DEPDC5: variants seen among roughly 807,000 people sequenced by gnomAD.
DEPDC5 encodes the protein GATOR1 complex protein DEPDC5.
DEPDC5 carries 73 observed loss-of-function variants against 217.3 expected under a neutral mutation model. That is an observed-to-expected ratio of 0.34 (90% CI 0.28 to 0.41). DEPDC5 has a LOEUF of 0.41. DEPDC5 is among the 10% of genes least tolerant of loss of function. The pLI is 1.00. For missense variants in DEPDC5, 1,675 were observed against 2,070.1 expected, an observed-to-expected ratio of 0.81 and a Z score of 3.70; for synonymous variants, 733 against 756.7, an observed-to-expected ratio of 0.97 and a Z score of 0.51.
chr22:31,816,126 G>A (rs1458017171), intron 21 of DEPDC5: 9 of 606,820 alleles, frequency 1.5e-5, no homozygotes, highest in Non-Finnish European at 1.4e-5. Context: ...ATGGTGAAAC[G>A]CCGTCTCTAC....
At chr22:31,884,313 T>C (rs2093253152) in intron 38 of DEPDC5, among the ~76,000 whole-genome samples, 1 of 152,182 alleles carries the variant, frequency 6.6e-6, no homozygotes, top group South Asian at 2.1e-4. Context: ...TCTCCCTCTC[T>C]GCTAAAGCAT....
chr22:31,774,074 A>C (rs1369183917), intron 7 of DEPDC5, among the ~76,000 whole-genome samples: 1 of 152,212 alleles, frequency 6.6e-6, no homozygotes, highest in Non-Finnish European at 1.5e-5. Context: ...CCTGTCTCAA[A>C]AAAACAAAAC....
At chr22:31,773,801 G>A (rs1794723409) in intron 7 of DEPDC5, among the ~76,000 whole-genome samples, 1 of 152,182 alleles carries the variant, frequency 6.6e-6, no homozygotes, top group African/African-American at 2.4e-5. Context: ...GCCGGGTGTG[G>A]TGGCTCACGC....
intron 38 of DEPDC5, 61 bp downstream of exon 38, chr22:31,879,813 T>A: frequency 1.3e-6 from 2 of 1,487,454 alleles, no homozygotes; most frequent in Non-Finnish European, 1.8e-6. Context: ...GGGAAAGTAG[T>A]GGCCAGCCAA....
At chr22:31,777,016 G>A (rs1259693661) in intron 7 of DEPDC5, among the ~76,000 whole-genome samples, 5 of 151,878 alleles carry the variant, frequency 3.3e-5, no homozygotes, top group African/African-American at 1.2e-4. Flanking sequence ...AGGCTGGAGT[G>A]CAGTGGTGCG....
chr22:31,892,634 A>C (rs1364974014), intron 38 of DEPDC5, among the ~76,000 whole-genome samples: 1 of 151,906 alleles, frequency 6.6e-6, no homozygotes, highest in African/African-American at 2.4e-5. Context: ...CAGTGAGCCA[A>C]GATCACGCTA....
chr22:31,804,812 T>C, intron 16 of DEPDC5, 30 bp from the exon 17 acceptor site: 1 of 1,606,038 alleles, frequency 6.2e-7, no homozygotes, highest in Middle Eastern at 1.7e-4. Flanking sequence ...GTTCTGTAGC[T>C]TATCTGTGCT....
chr22:31,828,311 C>T (rs377733653), intron 24 of DEPDC5, among the ~76,000 whole-genome samples: 6 of 152,048 alleles, frequency 3.9e-5, no homozygotes, highest in African/African-American at 9.7e-5. Flanking sequence ...ATTAGCCAGG[C>T]GTGGTGGCGC....
Position 31,898,335 on chromosome 22 carries a change from C to T in DEPDC5, c.4375+682C>T, listed in dbSNP as rs139704957. ...GGGCAGGTTTAGGACAGATCAAAGA[C>T]GAGCTGAGCTGTACTTGACACAGCA... On this transcript the variant is annotated intron_variant, in intron 40 of 42. Transcript: ENST00000651528. Among the ~76,000 whole-genome samples, 679 of 152,272 alleles carry T rather than the reference C, an allele frequency of 4.5e-3. 7 individuals carry two copies. Among genetic ancestry groups the T allele is most frequent in the Middle Eastern group, 0.02 (6 of 294 alleles).
In DEPDC5 at chr22:31,861,569, A is replaced by T. The variant is rs1361395545; in HGVS notation, c.3330+136A>T. ...CAGTTGAACTTGAATTTGGTCTCAG[A>T]ATTGTACATTCTCTTCCATGTTGTT... On this transcript the variant is annotated intron_variant, in intron 33 of 42. Transcript: ENST00000651528. The T allele has an allele frequency of 5.7e-6, 5 of 882,202 alleles. No individual in the cohort carries two copies. In the East Asian group the frequency reaches 1.3e-4, roughly 24 times the overall value. 54.6% of individuals were successfully genotyped at this position (882,202 alleles called of 1,614,324 possible). A position where few individuals can be genotyped will look rare whatever the true frequency, so the allele number is the denominator to read the frequency against.
intron 7 of DEPDC5, chr22:31,769,072 A>G (rs989854813): frequency 4.9e-5 from 19 of 388,410 alleles, no homozygotes; most frequent in Non-Finnish European, 8.4e-5. Flanking sequence ...CATACTGGCT[A>G]ACACGGTGAA....
chr22:31,780,286 G>C (rs2084294299), intron 8 of DEPDC5, among the ~76,000 whole-genome samples: 1 of 152,188 alleles, frequency 6.6e-6, no homozygotes, highest in African/African-American at 2.4e-5. Flanking sequence ...TCATAGATTG[G>C]ATGTGAGGAG....
intron 39 of DEPDC5, among the ~76,000 whole-genome samples, chr22:31,895,143 CAA>C (rs56247667): frequency 2.4e-4 from 14 of 57,592 alleles, no homozygotes; most frequent in African/African-American, 5.3e-4. Flanking sequence ...GAATCCGTCT[CAA>C]AAAAAAAAAA....
intron 31 of DEPDC5, among the ~76,000 whole-genome samples, chr22:31,852,517 T>G (rs1016448341): frequency 6.6e-6 from 1 of 152,078 alleles, no homozygotes; most frequent in Non-Finnish European, 1.5e-5. Context: ...TTTTGTATCT[T>G]TAGTAGAGAT....
chr22:31,871,750 A>G (rs1820090425), intron 34 of DEPDC5, among the ~76,000 whole-genome samples: 1 of 152,208 alleles, frequency 6.6e-6, no homozygotes. Flanking sequence ...GGAGGTGAAA[A>G]GACCAAAAAT....
intron 41 of DEPDC5, among the ~76,000 whole-genome samples, chr22:31,904,818 G>A (rs2093728334): frequency 6.6e-6 from 1 of 152,202 alleles, no homozygotes. Context: ...ACAGTGCATA[G>A]TAGCCTACCC....
chr22:31,871,209 C>G (rs1300792219), intron 34 of DEPDC5, among the ~76,000 whole-genome samples: 1 of 152,250 alleles, frequency 6.6e-6, no homozygotes, highest in Non-Finnish European at 1.5e-5. Flanking sequence ...AGCAAGTGCA[C>G]CAGCTTTTAC....
Position 31,760,703 on chromosome 22 carries a change from G to A in DEPDC5, c.193+1G>A, listed in dbSNP as rs886039245. ...TCTCTTAAGGAAGATTTACAGAAGG[G>A]TAAGAATTATATCACTCTTCTTAGA... On this transcript the variant is annotated splice_donor_variant, in intron 4 of 42. Coordinates refer to ENST00000651528, the MANE Select transcript of DEPDC5 (RefSeq NM_001242896.3). LOFTEE classifies it high-confidence loss of function. 6.2e-7 allele frequency: 1 copy of A among 1,608,910 alleles called. No homozygotes were observed. Among genetic ancestry groups the A allele is most frequent in the Non-Finnish European group, 8.5e-7 (1 of 1,177,656 alleles).
At chr22:31,856,808 C>T (rs546472094) in intron 31 of DEPDC5, among the ~76,000 whole-genome samples, 2 of 152,192 alleles carry the variant, frequency 1.3e-5, no homozygotes, top group South Asian at 2.1e-4. Context: ...TTTGTTTTGT[C>T]GCACAGGCTG....
Sources: allele counts gnomAD v4.1 joint callset (sites outside exome capture counted in the v4.1 genomes callset), GRCh38; gene constraint gnomAD v4.1.1; transcripts MANE v1.5; gene names NCBI Gene and HGNC (gene_info 2026-07-23, HGNC 2026-07-21).